KLHL3: variants seen among roughly 807,000 people sequenced by gnomAD.
KLHL3 encodes kelch-like protein 3.
Under a neutral mutation model 70.5 loss-of-function variants are expected in KLHL3, and 19 were observed. The observed-to-expected ratio is 0.27, with a 90% confidence interval of 0.19 to 0.40. The LOEUF is 0.40. KLHL3 is among the 10% of genes least tolerant of loss of function. KLHL3 has a pLI of 1.00. For missense variants in KLHL3, 512 were observed against 771.1 expected (o/e 0.66, Z 3.98); for synonymous variants, 258 against 290.3 (o/e 0.89, Z 1.13).
chr5:137,647,670 G>A (rs921464195), intron 8 of KLHL3: 3 of 452,684 alleles, frequency 6.6e-6, no homozygotes, highest in African/African-American at 4.0e-5. Flanking sequence ...TCATCCGATG[G>A]AGCATGTCGA....
intron 14 of KLHL3, among the ~76,000 whole-genome samples, chr5:137,624,923 C>G (rs1750418144): frequency 6.6e-6 from 1 of 152,212 alleles, no homozygotes; most frequent in Non-Finnish European, 1.5e-5. Context: ...TCCACACCCG[C>G]CTGGTGCCTT....
At chr5:137,686,031 C>A (rs1752155454) in intron 5 of KLHL3, among the ~76,000 whole-genome samples, 1 of 152,054 alleles carries the variant, frequency 6.6e-6, no homozygotes, top group South Asian at 2.1e-4. Flanking sequence ...AAAAAGAAAG[C>A]TTTTTAGAGA....
intron 8 of KLHL3, among the ~76,000 whole-genome samples, chr5:137,651,094 A>G (rs990716589): frequency 1.3e-5 from 2 of 152,208 alleles, no homozygotes; most frequent in Non-Finnish European, 2.9e-5. Context: ...GAATGCTGAT[A>G]AGCCCATCAG....
At chr5:137,657,760 G>T (rs1751377871) in intron 8 of KLHL3, among the ~76,000 whole-genome samples, 1 of 152,148 alleles carries the variant, frequency 6.6e-6, no homozygotes, top group African/African-American at 2.4e-5. Flanking sequence ...TCAAAGAATG[G>T]CCTAGAAAGA....
intron 6 of KLHL3, 64 bp from the exon 7 acceptor site, chr5:137,662,095 T>C: frequency 2.0e-6 from 1 of 494,026 alleles, no homozygotes; most frequent in South Asian, 3.6e-5. Flanking sequence ...CAACCCTCAA[T>C]CTGTAAAAAA....
At position 137,637,377 on chromosome 5, in the gene KLHL3, G is replaced by T; in HGVS notation, c.1238C>A (p.Ala413Asp). 1 of 1,613,930 alleles carries T rather than the reference G, an allele frequency of 6.2e-7. No individual in the cohort carries two copies. The highest frequency in any genetic ancestry group is 8.5e-7 in the Non-Finnish European group (1 of 1,179,800). ...CCACTCGTTGGTCTTGTAGCTGTAGGCTTCCACCGATGCTAGGCCTGGGAG... is the reference window on the plus strand; with the variant it reads ...CCACTCGTTGGTCTTGTAGCTGTAGTCTTCCACCGATGCTAGGCCTGGGAG... ...DGSTGLASVE[A>D]YSYKTNEWFF... Residue 413 changes from alanine (A) to aspartate (D), a missense_variant, in exon 11 of 15, where the codon GCC becomes GAC. Transcript: ENST00000309755.
At chr5:137,695,470 AG>A (rs1377596072) in intron 4 of KLHL3, among the ~76,000 whole-genome samples, 1 of 152,126 alleles carries the variant, frequency 6.6e-6, no homozygotes, top group Non-Finnish European at 1.5e-5. Context: ...CATACAGAAA[AG>A]TGTGGGAAAA....
intron 8 of KLHL3, among the ~76,000 whole-genome samples, chr5:137,643,799 T>C (rs1750976356): frequency 6.6e-6 from 1 of 152,200 alleles, no homozygotes; most frequent in African/African-American, 2.4e-5. Flanking sequence ...TTAACTATAG[T>C]CACCCTACTG....
At chr5:137,663,252 TC>T (rs1049889029) in intron 6 of KLHL3, among the ~76,000 whole-genome samples, 22 of 151,736 alleles carry the variant, frequency 1.4e-4, no homozygotes, top group African/African-American at 5.1e-4. Flanking sequence ...AGACGGGGTT[TC>T]ACCATATTGG....
intron 3 of KLHL3, among the ~76,000 whole-genome samples, chr5:137,704,182 G>A (rs1054880649): frequency 2.0e-5 from 3 of 152,042 alleles, no homozygotes; most frequent in South Asian, 2.1e-4. Flanking sequence ...TCAGGAGATC[G>A]AGACCATCCT....
chr5:137,654,376 C>G (rs1407709690), intron 8 of KLHL3, among the ~76,000 whole-genome samples: 2 of 152,162 alleles, frequency 1.3e-5, no homozygotes, highest in Non-Finnish European at 2.9e-5. Flanking sequence ...ACAGACCGAA[C>G]CCCAGCTCTG....
At chr5:137,695,399 C>T (rs1273697394) in intron 4 of KLHL3, among the ~76,000 whole-genome samples, 1 of 152,128 alleles carries the variant, frequency 6.6e-6, no homozygotes, top group Non-Finnish European at 1.5e-5. Flanking sequence ...TTGCTCTTTC[C>T]CTCTCTTTGA....
intron 7 of KLHL3, among the ~76,000 whole-genome samples, chr5:137,660,534 C>A (rs1296744386): frequency 2.0e-5 from 3 of 152,192 alleles, no homozygotes; most frequent in African/African-American, 7.2e-5. Context: ...AGTGGTATCA[C>A]CCAAAGTAGC....
intron 6 of KLHL3, among the ~76,000 whole-genome samples, chr5:137,670,403 G>A (rs1164910951): frequency 6.6e-6 from 1 of 151,246 alleles, no homozygotes; most frequent in Non-Finnish European, 1.5e-5. Context: ...AGAATATCTG[G>A]GACAACCAAT....
chr5:137,626,523 T>C (rs1750465375), intron 13 of KLHL3, among the ~76,000 whole-genome samples: 1 of 152,222 alleles, frequency 6.6e-6, no homozygotes, highest in South Asian at 2.1e-4. Context: ...TTATTGCTCA[T>C]TAAGACTTTC....
chr5:137,635,540 T>C (rs1198651861), intron 11 of KLHL3, among the ~76,000 whole-genome samples: 1 of 152,204 alleles, frequency 6.6e-6, no homozygotes, highest in East Asian at 1.9e-4. Context: ...CTCCATTTTT[T>C]TGTTCAGTGT....
intron 3 of KLHL3, among the ~76,000 whole-genome samples, chr5:137,704,361 C>T (rs138625429): frequency 0.013 from 1,967 of 151,520 alleles, 41 homozygotes; most frequent in African/African-American, 0.045. Flanking sequence ...GTCCGCAGTC[C>T]GGCCTGGGCG....
intron 4 of KLHL3, among the ~76,000 whole-genome samples, chr5:137,696,273 C>T (rs1752442470): frequency 6.6e-6 from 1 of 152,164 alleles, no homozygotes; most frequent in African/African-American, 2.4e-5. Context: ...GGGTCTCTGC[C>T]CCAATCACAC....
chr5:137,727,612 T>C (rs1247216747), intron 1 of KLHL3, among the ~76,000 whole-genome samples: 1 of 152,122 alleles, frequency 6.6e-6, no homozygotes, highest in African/African-American at 2.4e-5. Context: ...TAGAAAACTG[T>C]TCTATCTTAT....
Sources: allele counts gnomAD v4.1 joint callset (sites outside exome capture counted in the v4.1 genomes callset), GRCh38; gene constraint gnomAD v4.1.1; transcripts MANE v1.5; gene names NCBI Gene and HGNC (gene_info 2026-07-23, HGNC 2026-07-21).